Variants in HTR4 observed in about 807,000 individuals in gnomAD.
The protein encoded by HTR4 is 5-hydroxytryptamine (serotonin) receptor 4, G protein-coupled.
Under a neutral mutation model 36.8 loss-of-function variants are expected in HTR4, and 16 were observed. That is an observed-to-expected ratio of 0.43 (90% CI 0.29 to 0.66). The LOEUF is 0.66. Among genes scored for constraint, HTR4 ranks in the 30% least tolerant of loss-of-function variants. The pLI is 0.13. For synonymous variants in HTR4, 189 were observed against 185.1 expected, an observed-to-expected ratio of 1.02 and a Z score of -0.17; for missense variants, 438 against 490.9, an observed-to-expected ratio of 0.89 and a Z score of 1.02.
chr5:148,651,718 T>C (rs1754043280), intron 1 of HTR4, among the ~76,000 whole-genome samples: 1 of 147,788 alleles, frequency 6.8e-6, no homozygotes, highest in Non-Finnish European at 1.5e-5. Context: ...TATTGAATAA[T>C]ATTATTGAAT....
intron 4 of HTR4, among the ~76,000 whole-genome samples, chr5:148,536,958 C>A (rs1581441295): frequency 6.6e-6 from 1 of 152,316 alleles, no homozygotes; most frequent in South Asian, 2.1e-4. Flanking sequence ...CCACATGGCA[C>A]ATACTCTTAA....
intron 2 of HTR4, among the ~76,000 whole-genome samples, chr5:148,560,296 A>G (rs1401457753): frequency 6.6e-6 from 1 of 152,030 alleles, no homozygotes; most frequent in East Asian, 1.9e-4. Flanking sequence ...GTGGTGCTTC[A>G]AAATCACCAG....
intron 6 of HTR4, among the ~76,000 whole-genome samples, chr5:148,506,179 T>C (rs2113764084): frequency 6.6e-6 from 1 of 152,176 alleles, no homozygotes; most frequent in South Asian, 2.1e-4. Flanking sequence ...AACAGAGATA[T>C]AGACTAATGG....
chr5:148,514,995 G>A (rs1274295021), intron 5 of HTR4, among the ~76,000 whole-genome samples: 1 of 151,760 alleles, frequency 6.6e-6, no homozygotes, highest in African/African-American at 2.4e-5. Flanking sequence ...TTGTCTTTTA[G>A]CATCTATTCT....
intron 1 of HTR4, among the ~76,000 whole-genome samples, chr5:148,651,208 G>A (rs1479561574): frequency 6.6e-6 from 1 of 152,174 alleles, no homozygotes; most frequent in East Asian, 1.9e-4. Flanking sequence ...GGGCTATTAA[G>A]ATTATTATTA....
At chr5:148,601,279 G>C (rs1407161572) in intron 2 of HTR4, among the ~76,000 whole-genome samples, 2 of 152,136 alleles carry the variant, frequency 1.3e-5, no homozygotes, top group African/African-American at 4.8e-5. Context: ...AGACAGTGTA[G>C]AGGTTCCTCG....
At chr5:148,518,888 G>A (rs1277394877) in intron 5 of HTR4, among the ~76,000 whole-genome samples, 1 of 152,132 alleles carries the variant, frequency 6.6e-6, no homozygotes, top group African/African-American at 2.4e-5. Context: ...TAAGGAAGGT[G>A]AATGTCATGT....
chr5:148,534,276 G>A (rs1758708235), intron 4 of HTR4, among the ~76,000 whole-genome samples: 1 of 152,202 alleles, frequency 6.6e-6, no homozygotes, highest in Non-Finnish European at 1.5e-5. Context: ...AGAGTGAGGG[G>A]CAGGCTGCCA....
chr5:148,544,365 A>T (rs1759279035), intron 4 of HTR4, among the ~76,000 whole-genome samples: 1 of 150,576 alleles, frequency 6.6e-6, no homozygotes, highest in Non-Finnish European at 1.5e-5. Context: ...GTAAACCCAG[A>T]TACATGCATC....
intron 2 of HTR4, among the ~76,000 whole-genome samples, chr5:148,613,804 C>T (rs1480619957): frequency 6.6e-6 from 1 of 151,108 alleles, no homozygotes; most frequent in Non-Finnish European, 1.5e-5. Flanking sequence ...CCCAAAATCT[C>T]CTTAAGCTGA....
chr5:148,594,340 A>G (rs967443448), intron 2 of HTR4, among the ~76,000 whole-genome samples: 2 of 137,636 alleles, frequency 1.5e-5, no homozygotes, highest in Admixed American at 1.5e-4. Context: ...TAATTTTACA[A>G]TTCTGGGTTT....
chr5:148,525,992 C>A (rs115533147), intron 4 of HTR4, among the ~76,000 whole-genome samples: 2 of 152,102 alleles, frequency 1.3e-5, no homozygotes, highest in Non-Finnish European at 2.9e-5. Flanking sequence ...TGGAGTGATG[C>A]GTCCATAAGC....
chr5:148,525,771 C>T (rs1659403917), intron 4 of HTR4, among the ~76,000 whole-genome samples: 1 of 152,138 alleles, frequency 6.6e-6, no homozygotes, highest in Admixed American at 6.5e-5. Context: ...TGTGTCCTTC[C>T]TCTTCCAAAA....
In HTR4 at chr5:148,483,135, AAGC is replaced by A; in HGVS notation, c.*65_*67del. On this transcript the variant is annotated 3_prime_UTR_variant, in exon 7 of 7. Coordinates refer to ENST00000377888, the MANE Select transcript of HTR4 (RefSeq NM_000870.7). ...GAGAATACCGGGTGCAGTCGCGCAC[AAGC>A]AGCAGCTTAGGACCTGGCCCTCTTT... The A allele has an allele frequency of 6.2e-7, 1 of 1,608,664 alleles. No homozygotes were observed. The highest frequency in any genetic ancestry group is 8.5e-7 in the Non-Finnish European group (1 of 1,176,520).
chr5:148,536,450 T>TA (rs915745163), intron 4 of HTR4, among the ~76,000 whole-genome samples: 27 of 145,090 alleles, frequency 1.9e-4, no homozygotes, highest in East Asian at 2.0e-4. Flanking sequence ...CAAGCTGGAT[T>TA]AAAAAAAAAA....
intron 2 of HTR4, among the ~76,000 whole-genome samples, chr5:148,578,465 C>A (rs193250907): frequency 6.6e-6 from 1 of 152,172 alleles, no homozygotes; most frequent in East Asian, 1.9e-4. Context: ...GTATCTCTTT[C>A]CTTTTTATAT....
intron 1 of HTR4, among the ~76,000 whole-genome samples, chr5:148,639,083 A>G (rs932637019): frequency 6.6e-6 from 1 of 152,082 alleles, no homozygotes; most frequent in South Asian, 2.1e-4. Context: ...AAAAGAAAGG[A>G]AGAAAATTAT....
chr5:148,629,804 T>C (rs1753256925), intron 2 of HTR4: 1 of 152,168 alleles, frequency 6.6e-6, no homozygotes, highest in Non-Finnish European at 1.5e-5. Context: ...CAAGCTTATA[T>C]AGTGGGGAAG....
chr5:148,635,968 T>G (rs188054308), intron 2 of HTR4, among the ~76,000 whole-genome samples: 1 of 152,308 alleles, frequency 6.6e-6, no homozygotes, highest in African/African-American at 2.4e-5. Flanking sequence ...CTATATGTAT[T>G]AGAACACAAC....
Sources: gnomAD v4.1 joint callset for allele counts (sites outside exome capture counted in the v4.1 genomes callset) on GRCh38, gnomAD v4.1.1 for gene constraint, MANE v1.5 for transcripts, NCBI Gene and HGNC (gene_info 2026-07-23, HGNC 2026-07-21) for gene names.